ZC3HAV1: variants seen among roughly 807,000 people sequenced by gnomAD.
ZC3HAV1 encodes zinc finger CCCH-type containing, antiviral 1, also known as zinc finger CCCH-type antiviral protein 1.
In ZC3HAV1, 41 loss-of-function variants were observed where a neutral mutation model predicts 86.6. The observed-to-expected ratio is 0.47, with a 90% CI of 0.37 to 0.61. The LOEUF is 0.61. Among genes scored for constraint, ZC3HAV1 ranks in the 20% least tolerant of loss-of-function variants. ZC3HAV1 has a pLI of 0.00. For synonymous variants in ZC3HAV1, 421 were observed against 432.1 expected (o/e 0.97, Z 0.32); for missense variants, 964 against 1,141.1 (o/e 0.84, Z 2.24).
At chr7:139,070,110 T>A (rs1211033516) in intron 7 of ZC3HAV1, among the ~76,000 whole-genome samples, 2 of 150,094 alleles carry the variant, frequency 1.3e-5, no homozygotes, top group Non-Finnish European at 3.0e-5. Context: ...TTTTTTTTTT[T>A]AATAACTAGA....
chr7:139,109,142 C>G lies in ZC3HAV1; in HGVS notation c.190G>C (p.Val64Leu). 6.3e-7 allele frequency: 1 copy of G among 1,591,970 alleles called. No individual in the cohort carries two copies. ...ACCCGGGCTCGAGTGGTGGCCACCACCGATCGGGTGATCCCGGCCTCGCCG... is the reference window on the plus strand; with the variant it reads ...ACCCGGGCTCGAGTGGTGGCCACCAGCGATCGGGTGATCCCGGCCTCGCCG... The part of the protein sequence containing the change: ...TGGEAGITRS[V>L]VATTRARVCR... Residue 64 changes from valine to leucine, a missense_variant, in exon 1 of 13, where the codon GTG (valine) becomes CTG (leucine). Transcript: ENST00000242351.
At position 139,045,980 on chromosome 7, in the gene ZC3HAV1, T is replaced by A. The variant is rs963233884; in HGVS notation, c.*1614A>T. ...GGAGTTGTGGAGATCTCTGTGATGA[T>A]CCAAAATCTGACTAATATAAAATCA... On this transcript the variant is annotated 3_prime_UTR_variant, in exon 13 of 13. Coordinates refer to ENST00000242351, the MANE Select transcript of ZC3HAV1 (RefSeq NM_020119.4). 3.7e-5 allele frequency: 5 copies of A among 136,334 alleles called. No individual in the cohort carries two copies. The highest frequency in any genetic ancestry group is 2.5e-4 in the South Asian group (1 of 4,066). The allele number at this position is 136,334 out of a possible 1,614,324, so 8.4% of individuals were successfully genotyped here.
chr7:139,079,788 G>A lies in ZC3HAV1; in HGVS notation c.1153C>T (p.Arg385Cys), dbSNP rs149380844. The A allele has an allele frequency of 9.5e-4, 1,533 of 1,614,146 alleles. 8 individuals carry two copies. In the African/African-American group the frequency reaches 0.017, roughly 17 times the overall value. ...GTTTGCAGAGAGCCAAGAGAAGAGCGGGCGGCAGGTAGCGTGGGAGAAAAC... is the reference window on the plus strand; with the variant it reads ...GTTTGCAGAGAGCCAAGAGAAGAGCAGGCGGCAGGTAGCGTGGGAGAAAAC... ...TVFSPTLPAARSSLGSLQTPE... is the reference protein window; with the variant it reads ...TVFSPTLPAACSSLGSLQTPE... The change falls in exon 4 of 13, where the codon CGC becomes TGC. Residue 385 changes from arginine to cysteine, a missense_variant. Transcript: ENST00000242351.
chr7:139,058,731 G>A (rs1816361890), intron 9 of ZC3HAV1, among the ~76,000 whole-genome samples: 1 of 152,142 alleles, frequency 6.6e-6, no homozygotes, highest in Non-Finnish European at 1.5e-5. Context: ...AGTATTCCTG[G>A]AGAGGGGAAG....
intron 1 of ZC3HAV1, among the ~76,000 whole-genome samples, chr7:139,094,968 A>AGTAACCC (rs1380838641): frequency 2.7e-5 from 4 of 150,396 alleles, no homozygotes; most frequent in African/African-American, 9.8e-5. Flanking sequence ...AAAAAGAGAC[A>AGTAACCC]GTAACCCGAG....
In ZC3HAV1 at chr7:139,046,948, A is replaced by G. The variant is rs1349406370; in HGVS notation, c.*646T>C. The G allele has an allele frequency of 6.6e-6, 1 of 152,280 alleles. No homozygotes were observed. The allele number at this position is 152,280 out of a possible 1,614,324, so 9.4% of individuals were successfully genotyped here. A position where few individuals can be genotyped will look rare whatever the true frequency, so the allele number is the denominator to read the frequency against. ...GAGAGAAAGGTTGCTGCAATTACAG[A>G]AAATTTAGAAATCAGCCTTTACCAG... On this transcript the variant is annotated 3_prime_UTR_variant, in exon 13 of 13. Transcript: ENST00000242351.
At chr7:139,052,920 CA>C (rs58092347) in intron 12 of ZC3HAV1, among the ~76,000 whole-genome samples, 321 of 120,458 alleles carry the variant, frequency 2.7e-3, no homozygotes, top group Middle Eastern at 4.4e-3. Context: ...GACCCTGTCT[CA>C]AAAAAAAAAA....
chr7:139,103,853 C>T (rs1817848896), intron 1 of ZC3HAV1, among the ~76,000 whole-genome samples: 1 of 152,068 alleles, frequency 6.6e-6, no homozygotes, highest in South Asian at 2.1e-4. Flanking sequence ...ATCTCCAAAA[C>T]ACAGCATTGA....
intron 1 of ZC3HAV1, among the ~76,000 whole-genome samples, chr7:139,093,142 T>TG (rs1197009447): frequency 2.0e-5 from 3 of 152,140 alleles, no homozygotes; most frequent in African/African-American, 7.2e-5. Context: ...GGGAAACTGA[T>TG]GACTGATAAA....
At chr7:139,057,060 A>G (rs1816304809) in intron 9 of ZC3HAV1, among the ~76,000 whole-genome samples, 1 of 152,094 alleles carries the variant, frequency 6.6e-6, no homozygotes, top group Non-Finnish European at 1.5e-5. Flanking sequence ...CAAAAGAAAA[A>G]AAGTTAGGCC....
chr7:139,085,838 C>A (rs1242803390), intron 2 of ZC3HAV1, among the ~76,000 whole-genome samples: 9 of 151,988 alleles, frequency 5.9e-5, no homozygotes, highest in Non-Finnish European at 1.3e-4. Context: ...CATGGTGAAA[C>A]CCCATCTCTA....
At position 139,080,058 on chromosome 7, in the gene ZC3HAV1, G is replaced by T; in HGVS notation, c.883C>A (p.Arg295Ser). The T allele has an allele frequency of 6.2e-7, 1 of 1,614,154 alleles. No homozygotes were observed. Among genetic ancestry groups the T allele is most frequent in the Non-Finnish European group, 8.5e-7 (1 of 1,180,030 alleles). The change falls in exon 4 of 13, where the codon CGC becomes AGC. Residue 295 changes from arginine to serine, a missense_variant. Transcript: ENST00000242351. Reference sequence around the variant, plus strand: ...TGACTCCCCAGATACGTGAACTTGCGGGTGAGATCGTCCACAGGCGCGTCC... The same window carrying T: ...TGACTCCCCAGATACGTGAACTTGCTGGTGAGATCGTCCACAGGCGCGTCC... ...LEDAPVDDLTRKFTYLGSQDR... is the reference protein window; with the variant it reads ...LEDAPVDDLTSKFTYLGSQDR...
intron 1 of ZC3HAV1, among the ~76,000 whole-genome samples, chr7:139,097,109 G>T (rs1175800606): frequency 1.3e-5 from 2 of 151,762 alleles, no homozygotes; most frequent in East Asian, 3.9e-4. Flanking sequence ...CTGCACTCCG[G>T]CCTGGGTGAG....
rs765288792 is a variant in ZC3HAV1 at position 139,057,532 on chromosome 7, AT to A, written c.2097-2238del. Among the ~76,000 whole-genome samples the A allele has an allele frequency of 1.0e-3, 59 of 56,906 alleles. 1 individual carries two copies. The highest frequency in any genetic ancestry group is 2.9e-3 in the East Asian group (5 of 1,698). The allele number at this position is 56,906 out of a possible 152,430, so 37.3% of individuals were successfully genotyped here. A position where few individuals can be genotyped will look rare whatever the true frequency, so the allele number is the denominator to read the frequency against. ...AATTTTCCATGATCAAAACAATTAC[AT>A]TTTTTTTTTTTTTTTTTTTTTTTGA... On this transcript the variant is annotated intron_variant, in intron 9 of 12. Transcript: ENST00000242351.
At chr7:139,068,922 C>G (rs1241057744) in intron 7 of ZC3HAV1, among the ~76,000 whole-genome samples, 1 of 152,178 alleles carries the variant, frequency 6.6e-6, no homozygotes, top group Non-Finnish European at 1.5e-5. Context: ...ATGTTATGGT[C>G]AAGAGGTCAC....
At chr7:139,076,589 T>G (rs1816959043) in intron 5 of ZC3HAV1, among the ~76,000 whole-genome samples, 180 bp from the exon 6 acceptor site, 1 of 152,030 alleles carries the variant, frequency 6.6e-6, no homozygotes, top group Non-Finnish European at 1.5e-5. Context: ...CCTTGGAGAC[T>G]CATCAGAAAA....
Position 139,109,469 on chromosome 7 carries a change from C to T in ZC3HAV1, c.-138G>A, listed in dbSNP as rs1051530935. ...CGCCCGGAGTCAGCGAGGGCGCGCTCTCCGTCGCCGTTAGCCCAGCCCAGC... is the reference window on the plus strand; with the variant it reads ...CGCCCGGAGTCAGCGAGGGCGCGCTTTCCGTCGCCGTTAGCCCAGCCCAGC... On this transcript the variant is annotated 5_prime_UTR_variant, in exon 1 of 13. Transcript: ENST00000242351. The T allele has an allele frequency of 4.5e-6, 5 of 1,119,618 alleles. No homozygotes were observed. The highest frequency in any genetic ancestry group is 1.7e-5 in the South Asian group (1 of 59,642). 69.4% of individuals were successfully genotyped at this position (1,119,618 alleles called of 1,614,324 possible). A position where few individuals can be genotyped will look rare whatever the true frequency, so the allele number is the denominator to read the frequency against.
chr7:139,060,002 T>C (rs973839105), intron 9 of ZC3HAV1, among the ~76,000 whole-genome samples: 4 of 152,158 alleles, frequency 2.6e-5, no homozygotes, highest in Admixed American at 1.3e-4. Context: ...AAGGTGGAAT[T>C]TGAACCTAGG....
intron 3 of ZC3HAV1, among the ~76,000 whole-genome samples, chr7:139,082,440 G>A (rs977125873): frequency 3.3e-5 from 5 of 151,968 alleles, no homozygotes; most frequent in African/African-American, 9.6e-5. Context: ...TGGTATGATC[G>A]TTCCTCCAAA....
Sources: allele counts gnomAD v4.1 joint callset (sites outside exome capture counted in the v4.1 genomes callset), GRCh38; gene constraint gnomAD v4.1.1; transcripts MANE v1.5; gene names NCBI Gene and HGNC (gene_info 2026-07-23, HGNC 2026-07-21).